The following SHC4 variants were observed in gnomAD, a reference collection of about 807,000 sequenced individuals.
SHC4 encodes SHC-transforming protein 4.
A neutral mutation model predicts 69.4 loss-of-function variants in SHC4; 41 were observed. That is an observed-to-expected ratio of 0.59 (90% CI 0.46 to 0.77). The LOEUF (loss-of-function observed/expected upper bound fraction) is 0.77. Among genes scored for constraint, SHC4 ranks in the 30% least tolerant of loss-of-function variants. The pLI is 0.00. For missense variants in SHC4, 777 were observed against 783.8 expected, an observed-to-expected ratio of 0.99 and a Z score of 0.10; for synonymous variants, 318 against 299.3, an observed-to-expected ratio of 1.06 and a Z score of -0.64.
At position 48,963,485 on chromosome 15, in the gene SHC4, A is replaced by T. The variant is rs146910924; in HGVS notation, c.-470T>A. ...CGAACCTGCTCCCTTCGGCTCTCACAGGGCGGGGCAAATGACTGGCCTATT... is the reference window on the plus strand; with the variant it reads ...CGAACCTGCTCCCTTCGGCTCTCACTGGGCGGGGCAAATGACTGGCCTATT... On this transcript the variant is annotated 5_prime_UTR_variant, in exon 1 of 12. Coordinates refer to ENST00000332408, the MANE Select transcript of SHC4 (RefSeq NM_203349.4). 0.013 allele frequency: 2,188 copies of T among 164,788 alleles called. 22 individuals carry two copies. Among genetic ancestry groups the T allele is most frequent in the Non-Finnish European group, 0.018 (1,412 of 76,356 alleles). The allele number at this position is 164,788 out of a possible 1,614,324, so 10.2% of individuals were successfully genotyped here.
intron 2 of SHC4, among the ~76,000 whole-genome samples, chr15:48,895,656 G>A (rs1900209612): frequency 6.6e-6 from 1 of 152,054 alleles, no homozygotes; most frequent in Non-Finnish European, 1.5e-5. Flanking sequence ...ATATGAGTGT[G>A]CACTCACACG....
At chr15:48,941,864 C>T (rs897863235) in intron 1 of SHC4, among the ~76,000 whole-genome samples, 1 of 152,120 alleles carries the variant, frequency 6.6e-6, no homozygotes, top group Non-Finnish European at 1.5e-5. Flanking sequence ...ACATTGTATT[C>T]ATTAAGTAAT....
chr15:48,934,734 G>A (rs1449403195), intron 1 of SHC4, among the ~76,000 whole-genome samples: 2 of 152,154 alleles, frequency 1.3e-5, no homozygotes, highest in African/African-American at 4.8e-5. Flanking sequence ...ATAAAAGGTA[G>A]TATGTCATGC....
chr15:48,835,543 T>C (rs1403232049), intron 10 of SHC4, among the ~76,000 whole-genome samples: 6 of 152,200 alleles, frequency 3.9e-5, no homozygotes, highest in Admixed American at 1.3e-4. Flanking sequence ...ACTTCAAAAC[T>C]TTGCTAAACC....
At chr15:48,896,046 T>A (rs2141008888) in intron 2 of SHC4, among the ~76,000 whole-genome samples, 1 of 152,234 alleles carries the variant, frequency 6.6e-6, no homozygotes, top group South Asian at 2.1e-4. Flanking sequence ...TAGGATCACA[T>A]TACTGCACTC....
At chr15:48,838,048 T>A (rs529710106) in intron 10 of SHC4, among the ~76,000 whole-genome samples, 1 of 152,290 alleles carries the variant, frequency 6.6e-6, no homozygotes, top group East Asian at 1.9e-4. Context: ...ACTGGAAAAA[T>A]TGATATGTCC....
In SHC4 at chr15:48,825,897, AG is replaced by A; in HGVS notation, c.*73del. 2 of 1,523,320 alleles carry A rather than the reference AG, an allele frequency of 1.3e-6. No individual in the cohort carries two copies. The highest frequency in any genetic ancestry group is 1.8e-6 in the Non-Finnish European group (2 of 1,131,436). 94.4% of individuals were successfully genotyped at this position (1,523,320 alleles called of 1,614,324 possible). A position where few individuals can be genotyped will look rare whatever the true frequency, so the allele number is the denominator to read the frequency against. ...TGTGCTCTATTTTATCTACAAACAAAGTTTAAATTATCTTTGTGTCCTAATA... is the reference window on the plus strand; with the variant it reads ...TGTGCTCTATTTTATCTACAAACAAATTTAAATTATCTTTGTGTCCTAATA... On this transcript the variant is annotated 3_prime_UTR_variant, in exon 12 of 12. Transcript: ENST00000332408.
chr15:48,873,701 AC>A (rs1899739595), intron 4 of SHC4, among the ~76,000 whole-genome samples: 1 of 152,148 alleles, frequency 6.6e-6, no homozygotes, highest in South Asian at 2.1e-4. Context: ...AGATCATGCC[AC>A]TGCACTCCAG....
At chr15:48,876,849 A>C in intron 4 of SHC4, 1 of 296,792 alleles carries the variant, frequency 3.4e-6, no homozygotes, top group South Asian at 5.2e-5. Context: ...CAGACACACC[A>C]ATGATCAATA....
rs774548914 is a variant in SHC4, at chr15:48,824,271, G to C, written c.*1700C>G. On this transcript the variant is annotated 3_prime_UTR_variant, in exon 12 of 12. Coordinates refer to ENST00000332408, the MANE Select transcript of SHC4 (RefSeq NM_203349.4). ...AGCCTTTACAGTAAAATATTAGAGT[G>C]CAGTATGCTTGGTTTCTAATGATTT... 8.5e-5 allele frequency: 13 copies of C among 152,082 alleles called. No homozygotes were observed. The highest frequency in any genetic ancestry group is 6.6e-4 in the Admixed American group (10 of 15,256). The allele number at this position is 152,082 out of a possible 1,614,324, so 9.4% of individuals were successfully genotyped here.
At chr15:48,941,750 TC>T (rs1400986889) in intron 1 of SHC4, among the ~76,000 whole-genome samples, 1 of 152,208 alleles carries the variant, frequency 6.6e-6, no homozygotes, top group African/African-American at 2.4e-5. Flanking sequence ...CTGGGAATCT[TC>T]TTTTGGTGTT....
chr15:48,841,535 T>A (rs933459867), intron 10 of SHC4, among the ~76,000 whole-genome samples: 1 of 152,212 alleles, frequency 6.6e-6, no homozygotes, highest in African/African-American at 2.4e-5. Context: ...GGTTTGACTT[T>A]CCTGGTGTGG....
chr15:48,925,399 C>T lies in SHC4; in HGVS notation c.586-450G>A, dbSNP rs113664678. ...CATATAAATAAAGCTTTTAGAACAA[C>T]GCCTGGTACATACAAAGGCCTAAAT... On this transcript the variant is annotated intron_variant, in intron 1 of 11. Transcript: ENST00000332408. Among the ~76,000 whole-genome samples the T allele has an allele frequency of 2.7e-3, 414 of 152,176 alleles. 1 individual carries two copies. The highest frequency in any genetic ancestry group is 9.5e-3 in the African/African-American group (395 of 41,518).
intron 11 of SHC4, among the ~76,000 whole-genome samples, chr15:48,828,754 A>G (rs183153752): frequency 1.5e-4 from 23 of 152,286 alleles, no homozygotes; most frequent in Non-Finnish European, 3.2e-4. Flanking sequence ...TTTCCTGATG[A>G]TTAATGATGT....
intron 4 of SHC4, chr15:48,879,652 CTT>C (rs1394336006): frequency 6.0e-6 from 1 of 167,032 alleles, no homozygotes; most frequent in African/African-American, 2.4e-5. Context: ...TCTAAAAAGA[CTT>C]TATGAACAGT....
intron 1 of SHC4, among the ~76,000 whole-genome samples, chr15:48,955,217 A>G (rs1187193478): frequency 1.3e-5 from 2 of 152,138 alleles, no homozygotes; most frequent in Non-Finnish European, 2.9e-5. Context: ...TGAAGGGGAA[A>G]ATGAAAGACA....
intron 2 of SHC4, among the ~76,000 whole-genome samples, chr15:48,911,505 T>G (rs1426222971): frequency 6.6e-6 from 1 of 152,180 alleles, no homozygotes; most frequent in Non-Finnish European, 1.5e-5. Flanking sequence ...GGTTGGTGAG[T>G]TCTTATCCAT....
intron 1 of SHC4, among the ~76,000 whole-genome samples, chr15:48,942,006 A>G (rs1243901435): frequency 2.0e-5 from 3 of 152,184 alleles, no homozygotes. Flanking sequence ...TATTTGAGTC[A>G]TATTCTTATA....
At chr15:48,960,837 A>G (rs1418789675) in intron 1 of SHC4, among the ~76,000 whole-genome samples, 2 of 152,180 alleles carry the variant, frequency 1.3e-5, no homozygotes, top group East Asian at 1.9e-4. Context: ...TGCTTCAGTC[A>G]TTGGCATCAC....
Sources: allele counts gnomAD v4.1 joint callset (sites outside exome capture counted in the v4.1 genomes callset), GRCh38; gene constraint gnomAD v4.1.1; transcripts MANE v1.5; gene names NCBI Gene and HGNC (gene_info 2026-07-23, HGNC 2026-07-21).